Variants in CTNNAL1 observed in about 807,000 individuals in gnomAD.
The protein encoded by CTNNAL1 is alpha-catulin.
CTNNAL1 carries 69 observed loss-of-function variants against 93.6 expected under a neutral mutation model. That is an observed-to-expected ratio of 0.74 (90% confidence interval 0.61 to 0.90). The LOEUF (loss-of-function observed/expected upper bound fraction) is 0.90. CTNNAL1 is among the 40% of genes least tolerant of loss of function. The pLI, the probability that CTNNAL1 is intolerant of heterozygous loss-of-function variation, is 0.00. For missense variants in CTNNAL1, 836 were observed against 862.0 expected (o/e 0.97, Z 0.38); for synonymous variants, 286 against 305.4 (o/e 0.94, Z 0.66).
At chr9:108,974,890 G>C (rs1438644403) in intron 8 of CTNNAL1, among the ~76,000 whole-genome samples, 1 of 152,100 alleles carries the variant, frequency 6.6e-6, no homozygotes, top group African/African-American at 2.4e-5. Flanking sequence ...AGAATATAAA[G>C]GAATTAAGCC....
At chr9:108,948,445 AT>A (rs903264998) in intron 14 of CTNNAL1, among the ~76,000 whole-genome samples, 9 of 152,304 alleles carry the variant, frequency 5.9e-5, no homozygotes, top group Non-Finnish European at 7.4e-5. Context: ...AGTAAACCTT[AT>A]GTTAATTTCA....
intron 7 of CTNNAL1, among the ~76,000 whole-genome samples, chr9:108,979,074 A>G (rs929755184): frequency 6.6e-6 from 1 of 152,190 alleles, no homozygotes; most frequent in African/African-American, 2.4e-5. Flanking sequence ...AATGAGAGTC[A>G]ACAGGCCTGG....
At chr9:108,946,036 C>T (rs904408169) in intron 15 of CTNNAL1, among the ~76,000 whole-genome samples, 9 of 152,150 alleles carry the variant, frequency 5.9e-5, no homozygotes, top group Admixed American at 5.2e-4. Flanking sequence ...CATAGTGGCT[C>T]AGGCCTGTAA....
At chr9:108,946,739 C>G (rs1474358717) in intron 15 of CTNNAL1, among the ~76,000 whole-genome samples, 1 of 152,170 alleles carries the variant, frequency 6.6e-6, no homozygotes, top group Non-Finnish European at 1.5e-5. Context: ...ACATATAGCA[C>G]AAGTTCAATA....
chr9:108,969,910 G>A (rs377034302), intron 10 of CTNNAL1, among the ~76,000 whole-genome samples: 2 of 152,212 alleles, frequency 1.3e-5, no homozygotes, highest in South Asian at 4.2e-4. Flanking sequence ...GTACTCAAAC[G>A]ATCCTCCTAC....
intron 17 of CTNNAL1, 28 bp downstream of exon 17, chr9:108,943,675 G>A (rs746799511): frequency 3.8e-6 from 6 of 1,582,522 alleles, no homozygotes; most frequent in Non-Finnish European, 5.2e-6. Flanking sequence ...AGATAGATGT[G>A]TGAAAGTTTT....
intron 9 of CTNNAL1, 99 bp from the exon 10 acceptor site, chr9:108,970,593 T>A: frequency 9.5e-7 from 1 of 1,057,810 alleles, no homozygotes; most frequent in South Asian, 2.5e-5. Flanking sequence ...CAAATAAAAT[T>A]TCTTAAAACC....
chr9:108,999,162 A>C lies in CTNNAL1; in HGVS notation c.236T>G (p.Val79Gly). ...TTCTCCTACTTTAACAAATCTTCCA[A>C]CTGCCAAGTTGACAGCTTGTCCTAC... Reference protein sequence around the residue: ...QRVGQAVNLAVGRFVKVGEAI... With the variant: ...QRVGQAVNLAGGRFVKVGEAI... The change falls in exon 2 of 19, where the codon GTT (valine) becomes GGT (glycine). Residue 79 changes from valine (V) to glycine (G), a missense_variant. Coordinates refer to ENST00000325551, the MANE Select transcript of CTNNAL1 (RefSeq NM_003798.4). The C allele has an allele frequency of 1.2e-6, 2 of 1,613,756 alleles. No individual in the cohort carries two copies. Among genetic ancestry groups the C allele is most frequent in the Non-Finnish European group, 1.7e-6 (2 of 1,179,860 alleles).
intron 1 of CTNNAL1, among the ~76,000 whole-genome samples, chr9:109,004,401 T>C (rs1413946128): frequency 6.6e-6 from 1 of 152,182 alleles, no homozygotes; most frequent in Non-Finnish European, 1.5e-5. Context: ...TCAAGAAGTA[T>C]GGGAGAGTTA....
chr9:108,978,833 T>A (rs1035449596), intron 7 of CTNNAL1, among the ~76,000 whole-genome samples: 5 of 152,214 alleles, frequency 3.3e-5, no homozygotes, highest in African/African-American at 1.2e-4. Flanking sequence ...GTTTTCTAAA[T>A]CATTGTCTCT....
At chr9:108,987,183 T>C (rs1414500985) in intron 4 of CTNNAL1, among the ~76,000 whole-genome samples, 1 of 152,196 alleles carries the variant, frequency 6.6e-6, no homozygotes, top group Non-Finnish European at 1.5e-5. Flanking sequence ...AAGTCTTTAA[T>C]CCGTCTTGAA....
At chr9:108,985,050 G>A (rs535566851) in intron 4 of CTNNAL1, among the ~76,000 whole-genome samples, 5 of 152,250 alleles carry the variant, frequency 3.3e-5, no homozygotes, top group African/African-American at 1.2e-4. Flanking sequence ...GTTTTGGTGG[G>A]GGGTGACTTC....
At chr9:108,998,711 G>A (rs1832115123) in intron 2 of CTNNAL1, among the ~76,000 whole-genome samples, 1 of 152,184 alleles carries the variant, frequency 6.6e-6, no homozygotes, top group South Asian at 2.1e-4. Context: ...TTTGTTTGCT[G>A]TAGAATACTA....
chr9:108,997,956 C>G (rs1171183787), intron 2 of CTNNAL1, among the ~76,000 whole-genome samples: 1 of 152,176 alleles, frequency 6.6e-6, no homozygotes, highest in Non-Finnish European at 1.5e-5. Context: ...TTTAAAAATA[C>G]AAATGAGAAC....
At chr9:108,947,419 G>A (rs558368613) in intron 15 of CTNNAL1, among the ~76,000 whole-genome samples, 2 of 152,208 alleles carry the variant, frequency 1.3e-5, no homozygotes, top group African/African-American at 4.8e-5. Flanking sequence ...GGCCTAAAGT[G>A]ATAGAAATTT....
intron 11 of CTNNAL1, among the ~76,000 whole-genome samples, chr9:108,956,271 G>A (rs552980094): frequency 1.3e-5 from 2 of 152,314 alleles, no homozygotes; most frequent in Non-Finnish European, 2.9e-5. Flanking sequence ...CTCAGTCAGG[G>A]AAGAAGAAAA....
chr9:108,972,864 G>GGGGGGGGGGGGGCCCCCC, intron 8 of CTNNAL1, 31 bp from the exon 9 acceptor site: 6 of 142,520 alleles, frequency 4.2e-5, no homozygotes, highest in East Asian at 4.4e-4. Flanking sequence ...GGGGGGGTGG[G>GGGGGGGGGGGGGCCCCCC]AGGGTGGAGA....
chr9:108,990,642 C>T, intron 4 of CTNNAL1, 84 bp downstream of exon 4: 1 of 1,479,240 alleles, frequency 6.8e-7, no homozygotes, highest in Non-Finnish European at 9.0e-7. Flanking sequence ...AGAAACCAGT[C>T]CAAACAATCC....
chr9:108,972,864 G>GGGGGGGGGGGGGGGGGGGGGCCCCCCCC, intron 8 of CTNNAL1, 31 bp from the exon 9 acceptor site: 2 of 142,582 alleles, frequency 1.4e-5, no homozygotes, highest in Non-Finnish European at 2.0e-5. Flanking sequence ...GGGGGGGTGG[G>GGGGGGGGGGGGGGGGGGGGGCCCCCCCC]AGGGTGGAGA....
Sources: allele counts gnomAD v4.1 joint callset (sites outside exome capture counted in the v4.1 genomes callset), GRCh38; gene constraint gnomAD v4.1.1; transcripts MANE v1.5; gene names NCBI Gene and HGNC (gene_info 2026-07-23, HGNC 2026-07-21).